C21orf58: variants seen among roughly 807,000 people sequenced by gnomAD.
C21orf58 encodes chromosome 21 open reading frame 58, also known as uncharacterized protein C21orf58.
C21orf58 carries 34 observed loss-of-function variants against 35.8 expected under a neutral mutation model. The observed-to-expected ratio is 0.95, with a 90% CI of 0.72 to 1.26. The LOEUF is 1.26. Ranked by LOEUF, C21orf58 falls within the 50% of genes most tolerant of loss-of-function variation. The probability of loss-of-function intolerance (pLI) is 0.00; values close to 1 mark genes in which losing one functional copy is unlikely to be tolerated. For missense variants in C21orf58, 440 were observed against 414.3 expected, an observed-to-expected ratio of 1.06 and a Z score of -0.54; for synonymous variants, 191 against 175.8, an observed-to-expected ratio of 1.09 and a Z score of -0.68.
downstream of C21orf58, chr21:46,300,854 AAG>A: frequency 8.6e-7 from 1 of 1,160,718 alleles, no homozygotes. Context: ...ACAACATTAA[AAG>A]AGCAAAGAAA....
intron 5 of C21orf58, chr21:46,313,180 A>G: frequency 1.6e-5 from 6 of 367,444 alleles, no homozygotes; most frequent in Non-Finnish European, 2.3e-5. Flanking sequence ...ACAATGTGGA[A>G]ACAAATGGGC....
At chr21:46,321,882 A>C (rs934649616) in intron 1 of C21orf58, among the ~76,000 whole-genome samples, 2 of 147,520 alleles carry the variant, frequency 1.4e-5, no homozygotes, top group Non-Finnish European at 3.0e-5. Flanking sequence ...GTGAGTATCT[A>C]CAAAATTTAT....
chr21:46,315,359 C>T, intron 4 of C21orf58, 115 bp downstream of exon 4: 1 of 723,770 alleles, frequency 1.4e-6, no homozygotes, highest in Non-Finnish European at 2.5e-6. Flanking sequence ...GGGGCCTGGC[C>T]CTGAGAGTCT....
At chr21:46,307,446 A>C (rs1481316834) in intron 6 of C21orf58, among the ~76,000 whole-genome samples, 16 of 151,912 alleles carry the variant, frequency 1.1e-4, no homozygotes, top group Non-Finnish European at 2.2e-4. Context: ...GCACACACAC[A>C]CCCACACACA....
Position 46,301,650 on chromosome 21 carries a change from G to T in C21orf58, c.*349C>A. 1 of 1,099,022 alleles carries T rather than the reference G, an allele frequency of 9.1e-7. No individual in the cohort carries two copies. The highest frequency in any genetic ancestry group is 4.5e-5 in the South Asian group (1 of 22,396). The allele number at this position is 1,099,022 out of a possible 1,614,324, so 68.1% of individuals were successfully genotyped here. On this transcript the variant is annotated 3_prime_UTR_variant, in exon 8 of 8. Transcript: ENST00000291691. Reference sequence around the variant, plus strand: ...TTTCATCAGGCTGGTGGCGTCCACGGCCTCAACTTTACCTCCGTGATGGAA... The same window carrying T: ...TTTCATCAGGCTGGTGGCGTCCACGTCCTCAACTTTACCTCCGTGATGGAA...
Position 46,322,015 on chromosome 21 carries a change from G to A in C21orf58, c.100+624C>T, listed in dbSNP as rs572904879. Among the ~76,000 whole-genome samples, 4 of 151,798 alleles carry A rather than the reference G, an allele frequency of 2.6e-5. No homozygotes were observed. In the East Asian group the frequency reaches 7.8e-4, roughly 29 times the overall value. On this transcript the variant is annotated intron_variant, in intron 1 of 7. Coordinates refer to ENST00000291691, the MANE Select transcript of C21orf58 (RefSeq NM_058180.5). ...AGTTTAAAATGAATTGAGGCTGGGC[G>A]AGGTTGCTCATGCCTGTAACTCCAG...
At chr21:46,312,896 C>A in intron 5 of C21orf58, 1 of 610,998 alleles carries the variant, frequency 1.6e-6, no homozygotes, top group Non-Finnish European at 2.0e-6. Flanking sequence ...TACTGTAGTA[C>A]ATATATAGAA....
At chr21:46,321,882 A>G (rs934649616) in intron 1 of C21orf58, among the ~76,000 whole-genome samples, 5 of 147,520 alleles carry the variant, frequency 3.4e-5, no homozygotes, top group African/African-American at 7.5e-5. Flanking sequence ...GTGAGTATCT[A>G]CAAAATTTAT....
intron 1 of C21orf58, chr21:46,318,534 CTG>C (rs1017987246): frequency 3.0e-5 from 38 of 1,262,500 alleles, no homozygotes; most frequent in African/African-American, 1.8e-4. Context: ...CCAGAAGAAC[CTG>C]TGTGTCAGGG....
intron 5 of C21orf58, 29 bp from the exon 6 acceptor site, chr21:46,311,596 G>T: frequency 7.2e-7 from 1 of 1,395,322 alleles, no homozygotes; most frequent in Non-Finnish European, 1.0e-6. Context: ...TTAGCTATCT[G>T]CATATGTCCT....
At chr21:46,315,209 T>A (rs1020907833) in intron 4 of C21orf58, 23 of 611,556 alleles carry the variant, frequency 3.8e-5, no homozygotes, top group East Asian at 3.1e-4. Flanking sequence ...CTCGGATGCA[T>A]CTTTGGTGAG....
intron 7 of C21orf58, 119 bp downstream of exon 7, chr21:46,302,366 G>T: frequency 1.9e-6 from 2 of 1,079,034 alleles, no homozygotes; most frequent in Non-Finnish European, 2.7e-6. Context: ...TTCACAGCCA[G>T]ACTGTAGACC....
At chr21:46,318,718 G>A in intron 1 of C21orf58, 2 of 1,010,102 alleles carry the variant, frequency 2.0e-6, no homozygotes, top group African/African-American at 3.5e-5. Flanking sequence ...ACAGAGGAGG[G>A]GTTGTGACCT....
Position 46,318,040 on chromosome 21 carries a change from G to A in C21orf58, c.281C>T (p.Thr94Ile). Reference sequence around the variant, plus strand: ...TCCCAAGAGCTTCAGCGTCAGTCGGGTCACTTGCTCTGCTGCTGATGAGTC... The same window carrying A: ...TCCCAAGAGCTTCAGCGTCAGTCGGATCACTTGCTCTGCTGCTGATGAGTC... ...MLDSSAAEQV[T>I]RLTLKLLGQK... The change falls in exon 2 of 8, where the codon ACC becomes ATC. Residue 94 changes from threonine (T) to isoleucine (I), a missense_variant. Transcript: ENST00000291691. 1.2e-6 allele frequency: 2 copies of A among 1,613,486 alleles called. No homozygotes were observed. The highest frequency in any genetic ancestry group is 1.7e-6 in the Non-Finnish European group (2 of 1,180,006).
chr21:46,316,248 G>A (rs2082973893), intron 3 of C21orf58, among the ~76,000 whole-genome samples: 1 of 152,120 alleles, frequency 6.6e-6, no homozygotes, highest in African/African-American at 2.4e-5. Flanking sequence ...TTCAGGCCGG[G>A]AGTTTGAGAC....
chr21:46,318,645 G>A, intron 1 of C21orf58: 1 of 1,085,696 alleles, frequency 9.2e-7, no homozygotes, highest in Non-Finnish European at 1.1e-6. Flanking sequence ...GACACTGGGA[G>A]GACAGGGTGA....
intron 6 of C21orf58, among the ~76,000 whole-genome samples, chr21:46,310,387 G>T (rs1466885288): frequency 6.6e-6 from 1 of 151,762 alleles, no homozygotes; most frequent in Non-Finnish European, 1.5e-5. Flanking sequence ...GCTGAGGCAG[G>T]AGAATTGCTT....
At chr21:46,307,930 G>A (rs2082495137) in intron 6 of C21orf58, among the ~76,000 whole-genome samples, 1 of 152,146 alleles carries the variant, frequency 6.6e-6, no homozygotes, top group Admixed American at 6.5e-5. Context: ...TAAATAACTA[G>A]AACTCACAAA....
chr21:46,317,448 A>C, intron 2 of C21orf58, 180 bp from the exon 3 acceptor site: 1 of 1,007,704 alleles, frequency 9.9e-7, no homozygotes, highest in East Asian at 2.6e-5. Flanking sequence ...TGCCTCTGTA[A>C]GCCTGACCTC....
Sources: allele counts gnomAD v4.1 joint callset (sites outside exome capture counted in the v4.1 genomes callset), GRCh38; gene constraint gnomAD v4.1.1; transcripts MANE v1.5; gene names NCBI Gene and HGNC (gene_info 2026-07-23, HGNC 2026-07-21).